SNX4: variants seen among roughly 807,000 people sequenced by gnomAD.
The protein encoded by SNX4 is sorting nexin-4.
Under a neutral mutation model 70.8 loss-of-function variants are expected in SNX4, and 49 were observed. That is an observed-to-expected ratio of 0.69 (90% CI 0.55 to 0.88). The LOEUF (loss-of-function observed/expected upper bound fraction) is 0.88, where lower values mean the gene tolerates loss of function less well. Ranked by LOEUF, SNX4 falls within the 40% of genes least tolerant of loss-of-function variation. The pLI is 0.00. For synonymous variants in SNX4, 206 were observed against 183.8 expected (o/e 1.12, Z -0.98); for missense variants, 528 against 544.8 (o/e 0.97, Z 0.31).
chr3:125,478,534 A>T (rs74967869), intron 7 of SNX4, among the ~76,000 whole-genome samples: 30 of 151,930 alleles, frequency 2.0e-4, no homozygotes, highest in African/African-American at 6.5e-4. Flanking sequence ...CATATGAATC[A>T]TGACTGCTCA....
chr3:125,462,489 C>T (rs1330777441), intron 9 of SNX4, among the ~76,000 whole-genome samples: 2 of 146,624 alleles, frequency 1.4e-5, no homozygotes, highest in African/African-American at 2.5e-5. Context: ...GCTCAGGAGG[C>T]TAATTTGGGA....
intron 9 of SNX4, among the ~76,000 whole-genome samples, chr3:125,465,675 C>T (rs1377949388): frequency 6.6e-6 from 1 of 151,756 alleles, no homozygotes; most frequent in African/African-American, 2.4e-5. Flanking sequence ...CAAAGTCTCA[C>T]TCTGTCACCT....
At chr3:125,512,754 G>A (rs950257404) in intron 1 of SNX4, among the ~76,000 whole-genome samples, 8 of 150,062 alleles carry the variant, frequency 5.3e-5, no homozygotes, top group African/African-American at 9.9e-5. Flanking sequence ...CTCAGTGCAG[G>A]GTCAACAGAT....
At chr3:125,476,111 C>CA (rs1210091515) in intron 8 of SNX4, among the ~76,000 whole-genome samples, 3 of 150,658 alleles carry the variant, frequency 2.0e-5, no homozygotes, top group Admixed American at 6.6e-5. Context: ...ACTAAAAATA[C>CA]AAAAAAATAG....
intron 2 of SNX4, among the ~76,000 whole-genome samples, chr3:125,502,623 C>A (rs1475804009): frequency 6.6e-6 from 1 of 151,664 alleles, no homozygotes; most frequent in Non-Finnish European, 1.5e-5. Context: ...GTAATCCCAG[C>A]ACTTTGGGAG....
intron 8 of SNX4, among the ~76,000 whole-genome samples, chr3:125,475,943 C>T (rs1397733999): frequency 1.3e-5 from 2 of 151,188 alleles, no homozygotes; most frequent in Non-Finnish European, 2.9e-5. Flanking sequence ...TACACCACTG[C>T]ACTCCAGCCT....
chr3:125,492,677 T>G (rs1002194662), intron 5 of SNX4, among the ~76,000 whole-genome samples: 3 of 152,198 alleles, frequency 2.0e-5, no homozygotes, highest in African/African-American at 7.2e-5. Context: ...AATGCTAACT[T>G]AATGTCTCCA....
rs778978609 is a variant in SNX4 at position 125,447,508 on chromosome 3, G to A, written c.*271C>T. Reference sequence around the variant, plus strand: ...ATCTTGACATTCAGTCATTGGTTCAGAAGCGTGACAAACAATCTGTTGGTA... The same window carrying A: ...ATCTTGACATTCAGTCATTGGTTCAAAAGCGTGACAAACAATCTGTTGGTA... On this transcript the variant is annotated 3_prime_UTR_variant, in exon 14 of 14. Coordinates refer to ENST00000251775, the MANE Select transcript of SNX4 (RefSeq NM_003794.4). The A allele has an allele frequency of 2.5e-4, 72 of 288,828 alleles. No individual in the cohort carries two copies. Among genetic ancestry groups the A allele is most frequent in the Non-Finnish European group, 3.3e-4 (53 of 158,822 alleles). 17.9% of individuals were successfully genotyped at this position (288,828 alleles called of 1,614,324 possible).
chr3:125,485,084 A>G (rs543558140), intron 6 of SNX4, among the ~76,000 whole-genome samples: 1 of 151,852 alleles, frequency 6.6e-6, no homozygotes, highest in Admixed American at 6.6e-5. Flanking sequence ...CAAAAACAAA[A>G]ACAAAAAACC....
rs1225740896 is a variant in SNX4, at chr3:125,463,899, A to AGACAC, written c.855-3040_855-3039insGTGTC. 8.5e-4 allele frequency among the ~76,000 whole-genome samples: 129 copies of AGACAC among 152,198 alleles called. 1 individual carries two copies. In the East Asian group the frequency reaches 0.022, roughly 26 times the overall value. On this transcript the variant is annotated intron_variant, in intron 9 of 13. Transcript: ENST00000251775. ...CTATACTTGCTTCTTCACTGTCTTA[A>AGACAC]TAGTGTCGCTTTTTAAAAAATAGTA...
intron 10 of SNX4, 31 bp from the exon 11 acceptor site, chr3:125,457,396 C>G (rs756180244): frequency 2.3e-5 from 35 of 1,538,444 alleles, no homozygotes; most frequent in Non-Finnish European, 2.7e-6. Flanking sequence ...TGCCATTTAA[C>G]TTTTCCTTTA....
intron 6 of SNX4, among the ~76,000 whole-genome samples, chr3:125,480,565 A>G (rs908555019): frequency 3.9e-5 from 6 of 152,224 alleles, no homozygotes; most frequent in Non-Finnish European, 7.3e-5. Context: ...ATAGGTAAAA[A>G]AAATCTGTTG....
At chr3:125,484,287 T>C (rs1934476374) in intron 6 of SNX4, among the ~76,000 whole-genome samples, 1 of 152,190 alleles carries the variant, frequency 6.6e-6, no homozygotes, top group African/African-American at 2.4e-5. Flanking sequence ...AGGGGTCTAG[T>C]TCTATCACCC....
intron 10 of SNX4, among the ~76,000 whole-genome samples, chr3:125,457,972 ATTT>A (rs964793221): frequency 1.3e-5 from 2 of 152,074 alleles, no homozygotes; most frequent in Non-Finnish European, 2.9e-5. Context: ...TACATAAAAC[ATTT>A]TTTAATGTAT....
intron 6 of SNX4, among the ~76,000 whole-genome samples, chr3:125,485,990 CCCA>C (rs1245367310): frequency 1.3e-5 from 2 of 152,002 alleles, no homozygotes; most frequent in African/African-American, 2.4e-5. Context: ...ACAGGTGTGC[CCCA>C]CCACACCCAA....
intron 5 of SNX4, among the ~76,000 whole-genome samples, chr3:125,493,468 A>C (rs1007699485): frequency 6.6e-6 from 1 of 151,710 alleles, no homozygotes; most frequent in South Asian, 2.1e-4. Flanking sequence ...CCTGGCTAAC[A>C]CGGTGAAACC....
In SNX4 at chr3:125,447,767, C is replaced by G. The variant is rs780815283; in HGVS notation, c.*12G>C. On this transcript the variant is annotated 3_prime_UTR_variant, in exon 14 of 14. Coordinates refer to ENST00000251775, the MANE Select transcript of SNX4 (RefSeq NM_003794.4). ...GGGGCACTTTGATTGAAGAGAAATT[C>G]AATTCACAGGATTACATCTTGCTAA... 1.9e-6 allele frequency: 3 copies of G among 1,582,120 alleles called. No homozygotes were observed. The African/African-American group carries it at 4.1e-5, about 22-fold the overall frequency.
intron 10 of SNX4, among the ~76,000 whole-genome samples, chr3:125,458,446 T>G (rs981183591): frequency 6.6e-6 from 1 of 152,188 alleles, no homozygotes; most frequent in African/African-American, 2.4e-5. Context: ...TAGGATTATA[T>G]GCATGAGCCA....
At chr3:125,472,065 A>T (rs1469498193) in intron 8 of SNX4, among the ~76,000 whole-genome samples, 1 of 152,070 alleles carries the variant, frequency 6.6e-6, no homozygotes, top group African/African-American at 2.4e-5. Flanking sequence ...CACCTACATA[A>T]CATCTGTTGC....
Sources: allele counts gnomAD v4.1 joint callset (sites outside exome capture counted in the v4.1 genomes callset), GRCh38; gene constraint gnomAD v4.1.1; transcripts MANE v1.5; gene names NCBI Gene and HGNC (gene_info 2026-07-23, HGNC 2026-07-21).